XPA: variants seen among roughly 807,000 people sequenced by gnomAD.
XPA encodes DNA repair protein complementing XP-A cells.
XPA carries 27 observed loss-of-function variants against 35.7 expected under a neutral mutation model. The observed-to-expected ratio is 0.76, with a 90% CI of 0.56 to 1.04. XPA has a LOEUF of 1.04. Among genes scored for constraint, XPA ranks in the 50% least tolerant of loss-of-function variants. The pLI is 0.00. For synonymous variants in XPA, 133 were observed against 118.4 expected (o/e 1.12, Z -0.80); for missense variants, 354 against 342.7 (o/e 1.03, Z -0.26).
At chr9:97,685,578 T>C (rs1341268717) in intron 4 of XPA, among the ~76,000 whole-genome samples, 2 of 152,200 alleles carry the variant, frequency 1.3e-5, no homozygotes, top group African/African-American at 4.8e-5. Context: ...AACTTTACAT[T>C]ATATACCTTT....
chr9:97,687,154 A>C lies in XPA; in HGVS notation c.497T>G (p.Val166Gly). 1 of 1,612,938 alleles carries C rather than the reference A, an allele frequency of 6.2e-7. No homozygotes were observed. Reference sequence around the variant, plus strand: ...TTGTGAATGATGTGGATTCTTCTTCACAATAAATTTAAGAGGTGGCTCTCT... The same window carrying C: ...TTGTGAATGATGTGGATTCTTCTTCCCAATAAATTTAAGAGGTGGCTCTCT... ...EKREPPLKFIVKKNPHHSQWG... is the reference protein window; with the variant it reads ...EKREPPLKFIGKKNPHHSQWG... The change falls in exon 4 of 6, where the codon GTG becomes GGG. Residue 166 changes from valine to glycine, a missense_variant. Val to Gly is a moderately radical substitution (Grantham distance 109). Coordinates refer to ENST00000375128, the MANE Select transcript of XPA (RefSeq NM_000380.4).
chr9:97,661,681 G>A, the XPA span, among the ~76,000 whole-genome samples: 1 of 149,462 alleles, frequency 6.7e-6, no homozygotes, highest in Admixed American at 6.7e-5. Flanking sequence ...AAGCCAAAAT[G>A]ATGGCATTAA....
At chr9:97,680,988 A>G (rs1828522224) in intron 5 of XPA, among the ~76,000 whole-genome samples, 1 of 152,236 alleles carries the variant, frequency 6.6e-6, no homozygotes, top group African/African-American at 2.4e-5. Flanking sequence ...ACTGCCTTTC[A>G]TGGAAATTTA....
At chr9:97,685,411 T>A (rs1828686782) in intron 4 of XPA, among the ~76,000 whole-genome samples, 1 of 152,178 alleles carries the variant, frequency 6.6e-6, no homozygotes, top group African/African-American at 2.4e-5. Context: ...TGAGGTCATC[T>A]CCAAAAATCT....
chr9:97,656,134 T>C, the XPA span: 1 of 1,421,684 alleles, frequency 7.0e-7, no homozygotes. Context: ...AGGATTTCTT[T>C]CTCTTCTCTG....
intron 3 of XPA, among the ~76,000 whole-genome samples, 165 bp from the exon 4 acceptor site, chr9:97,687,426 T>C (rs1338425401): frequency 1.3e-5 from 2 of 152,152 alleles, no homozygotes; most frequent in African/African-American, 4.8e-5. Context: ...AACAGAAAAA[T>C]ACTTTATCTT....
rs1421059835 is a variant in XPA at position 97,689,572 on chromosome 9, A to G, written c.351T>C (p.Leu117=). 1.2e-6 allele frequency: 2 copies of G among 1,613,052 alleles called. No homozygotes were observed. Among genetic ancestry groups the G allele is most frequent in the East Asian group, 2.2e-5 (1 of 44,762 alleles). ...AAGTTGGCAAATCAAAGTGGTTCAT[A>G]AGATAAGAATCCATAAATTCTTTCC... ...ECGKEFMDSY[L]MNHFDLPTCD... The change falls in exon 3 of 6, where the codon CTT becomes CTC. Residue 117 remains leucine (L), a synonymous_variant. Transcript: ENST00000375128.
At chr9:97,669,942 A>G, downstream of XPA, 1 of 487,020 alleles carries the variant, frequency 2.1e-6, no homozygotes, top group Non-Finnish European at 3.6e-6. Flanking sequence ...CTTTTTTTTG[A>G]GATGGCATCT....
At chr9:97,655,676 TGCCTACC>T in the XPA span, 1 of 1,576,522 alleles carries the variant, frequency 6.3e-7, no homozygotes, top group Non-Finnish European at 8.6e-7. Context: ...CCTTTTTCTC[TGCCTACC>T]TCCCCCTTCT....
downstream of XPA, chr9:97,671,633 C>T (rs1653814687): frequency 6.5e-6 from 1 of 152,864 alleles, no homozygotes; most frequent in Non-Finnish European, 1.5e-5. Context: ...GGTTTTTAAA[C>T]TTTGGCATTT....
At chr9:97,694,388 A>T (rs1313664948) in intron 1 of XPA, among the ~76,000 whole-genome samples, 1 of 152,274 alleles carries the variant, frequency 6.6e-6, no homozygotes, top group African/African-American at 2.4e-5. Flanking sequence ...AAGGACTCAC[A>T]TTCAGAATAC....
chr9:97,659,150 T>C, the XPA span, among the ~76,000 whole-genome samples: 1 of 152,276 alleles, frequency 6.6e-6, no homozygotes, highest in African/African-American at 2.4e-5. Flanking sequence ...ATTATGATTT[T>C]CTTACCTTTT....
chr9:97,688,668 T>C lies in XPA; in HGVS notation c.389+866A>G, dbSNP rs371618758. On this transcript the variant is annotated intron_variant, in intron 3 of 5. Coordinates refer to ENST00000375128, the MANE Select transcript of XPA (RefSeq NM_000380.4). Reference sequence around the variant, plus strand: ...GTCGGTGGGAAATGAGTTTGTAATCTATAGTTCCAGCTGTGGTGCCAGAGC... The same window carrying C: ...GTCGGTGGGAAATGAGTTTGTAATCCATAGTTCCAGCTGTGGTGCCAGAGC... Among the ~76,000 whole-genome samples, 26 of 152,328 alleles carry C rather than the reference T, an allele frequency of 1.7e-4. No homozygotes were observed. In the East Asian group the frequency reaches 4.8e-3, roughly 28 times the overall value.
rs185670485 is a variant in XPA, at chr9:97,675,433, A to T, written c.*6T>A. On this transcript the variant is annotated 3_prime_UTR_variant, in exon 6 of 6. Coordinates refer to ENST00000375128, the MANE Select transcript of XPA (RefSeq NM_000380.4). ...ATTCTATAAAACAGGTCACTGAACT[A>T]AAAAATCACATTTTTTCATATGTCA... is the stretch of plus-strand genomic sequence containing the variant. 6.2e-7 allele frequency: 1 copy of T among 1,612,872 alleles called. No homozygotes were observed. Among genetic ancestry groups the T allele is most frequent in the African/African-American group, 1.3e-5 (1 of 74,996 alleles).
intron 5 of XPA, among the ~76,000 whole-genome samples, chr9:97,680,990 G>GA (rs1483239584): frequency 6.6e-6 from 1 of 152,132 alleles, no homozygotes; most frequent in Non-Finnish European, 1.5e-5. Flanking sequence ...TGCCTTTCAT[G>GA]GAAATTTATA....
chr9:97,696,766 C>T (rs3176635), intron 1 of XPA, among the ~76,000 whole-genome samples: 14,294 of 152,270 alleles, frequency 0.094, 2,304 homozygotes, highest in African/African-American at 0.33. Context: ...TCTAACTCCT[C>T]TTTCCGGGAC....
Position 97,685,015 on chromosome 9 carries a change from CA to C in XPA, c.580del (p.Trp194GlyfsTer7), listed in dbSNP as rs1208631412. 1 of 1,613,490 alleles carries C rather than the reference CA, an allele frequency of 6.2e-7. No homozygotes were observed. The highest frequency in any genetic ancestry group is 1.1e-5 in the South Asian group (1 of 91,070). On this transcript the variant is annotated frameshift_variant, in exon 5 of 6. Transcript: ENST00000375128. LOFTEE classifies it high-confidence loss of function. ...TTCTTCTAATGCTTCTTGACTACCC[CA>C]AACTTCAAGAGACCTCTTCACAATC... ...LQIVKRSLEV[W>X]GSQEALEEAK...
intron 4 of XPA, among the ~76,000 whole-genome samples, chr9:97,686,213 A>G (rs1355362610): frequency 6.6e-6 from 1 of 152,208 alleles, no homozygotes; most frequent in African/African-American, 2.4e-5. Flanking sequence ...GCCTCCCAAT[A>G]TTTTAAGCTA....
the XPA span, among the ~76,000 whole-genome samples, chr9:97,659,005 T>C: frequency 2.6e-5 from 4 of 152,260 alleles, no homozygotes; most frequent in African/African-American, 9.6e-5. Context: ...AATTTATAGT[T>C]AGAACTTACT....
Sources: gnomAD v4.1 joint callset for allele counts (sites outside exome capture counted in the v4.1 genomes callset) on GRCh38, gnomAD v4.1.1 for gene constraint, MANE v1.5 for transcripts, NCBI Gene and HGNC (gene_info 2026-07-23, HGNC 2026-07-21) for gene names.